Variants in ABLIM1 observed in about 807,000 individuals in gnomAD.
The protein encoded by ABLIM1 is actin binding LIM protein 1.
Under a neutral mutation model 107.0 loss-of-function variants are expected in ABLIM1, and 40 were observed. The observed-to-expected ratio is 0.37, with a 90% CI of 0.29 to 0.49. The LOEUF (loss-of-function observed/expected upper bound fraction) is 0.49, where lower values mean the gene tolerates loss of function less well. Among genes scored for constraint, ABLIM1 ranks in the 20% least tolerant of loss-of-function variants. The pLI is 0.97. For missense variants in ABLIM1, 857 were observed against 1,008.5 expected, an observed-to-expected ratio of 0.85 and a Z score of 2.04; for synonymous variants, 357 against 357.3, an observed-to-expected ratio of 1.00 and a Z score of 0.01.
chr10:114,480,721 C>A (rs370623922), intron 8 of ABLIM1, among the ~76,000 whole-genome samples: 4 of 152,172 alleles, frequency 2.6e-5, no homozygotes, highest in East Asian at 3.9e-4. Context: ...CGGTAAGAAC[C>A]TTCTTGTTGA....
chr10:114,602,535 TC>T (rs1390504236), intron 1 of ABLIM1, among the ~76,000 whole-genome samples: 3 of 152,218 alleles, frequency 2.0e-5, no homozygotes, highest in Admixed American at 2.0e-4. Flanking sequence ...AGAGGGTCAT[TC>T]CCGATCATAA....
chr10:114,617,573 C>T (rs754100297), intron 1 of ABLIM1, among the ~76,000 whole-genome samples: 2 of 151,972 alleles, frequency 1.3e-5, no homozygotes, highest in African/African-American at 2.4e-5. Flanking sequence ...CAGCTTCTCA[C>T]CACCTACTTC....
Position 114,440,092 on chromosome 10 carries a change from GA to G in ABLIM1, c.2060-4del, listed in dbSNP as rs757864607. The G allele has an allele frequency of 6.2e-7, 1 of 1,612,978 alleles. No homozygotes were observed. The highest frequency in any genetic ancestry group is 8.5e-7 in the Non-Finnish European group (1 of 1,179,436). On this transcript the variant is annotated splice_region_variant and splice_polypyrimidine_tract_variant and intron_variant, in intron 19 of 22. Transcript: ENST00000533213. ...CAAAGTGTTCCATACCTGGTAATCT[GA>G]AAAGGAAAGGAAAAGAAAATATCAT...
At chr10:114,717,991 A>AAGGAAGG (rs2081718787) in intron 1 of ABLIM1, among the ~76,000 whole-genome samples, 6 of 86,858 alleles carry the variant, frequency 6.9e-5, no homozygotes, top group East Asian at 3.8e-4. Context: ...AGAAAGAAAG[A>AAGGAAGG]AAGGAAGGAA....
At chr10:114,480,670 T>C (rs925300068) in intron 8 of ABLIM1, among the ~76,000 whole-genome samples, 1 of 152,230 alleles carries the variant, frequency 6.6e-6, no homozygotes, top group Non-Finnish European at 1.5e-5. Flanking sequence ...ATGAGGCAAG[T>C]AGGTGAAACC....
intron 1 of ABLIM1, among the ~76,000 whole-genome samples, chr10:114,704,302 CTATATATATATATATA>C (rs369952218): frequency 1.4e-4 from 6 of 43,058 alleles, no homozygotes; most frequent in African/African-American, 2.5e-4. Context: ...CTCTCTCTCT[CTATATATATATATATA>C]TATATATATA....
chr10:114,742,172 A>G (rs1405424981), intron 1 of ABLIM1, among the ~76,000 whole-genome samples: 1 of 152,242 alleles, frequency 6.6e-6, no homozygotes, highest in Non-Finnish European at 1.5e-5. Context: ...TTAATGAAAT[A>G]TGAATGCTCT....
chr10:114,762,170 C>T (rs961403418), intron 1 of ABLIM1, among the ~76,000 whole-genome samples: 2 of 152,076 alleles, frequency 1.3e-5, no homozygotes, highest in Admixed American at 1.3e-4. Context: ...ATAGCTGAGA[C>T]TACAGGCGCC....
At chr10:114,462,168 G>A (rs2064069629) in intron 12 of ABLIM1, among the ~76,000 whole-genome samples, 1 of 152,132 alleles carries the variant, frequency 6.6e-6, no homozygotes, top group South Asian at 2.1e-4. Flanking sequence ...GAAGCATCAG[G>A]GCCATGACAC....
Position 114,610,249 on chromosome 10 carries a change from C to T in ABLIM1, c.245-8288G>A, listed in dbSNP as rs373438037. On this transcript the variant is annotated intron_variant, in intron 1 of 22. Transcript: ENST00000533213. ...GTCAGGGTGAGATAGCAAGGAAACACGACACACCATTGGGAGGACCCTCTC... is the reference window on the plus strand; with the variant it reads ...GTCAGGGTGAGATAGCAAGGAAACATGACACACCATTGGGAGGACCCTCTC... Among the ~76,000 whole-genome samples, 17 of 152,328 alleles carry T rather than the reference C, an allele frequency of 1.1e-4. No individual in the cohort carries two copies. The East Asian group carries it at 1.2e-3, about 10-fold the overall frequency.
In ABLIM1 at chr10:114,729,715, G is replaced by A. The variant is rs528401605; in HGVS notation, c.-213+38346C>T. On this transcript the variant is annotated intron_variant, in intron 1 of 15. Transcript: ENST00000651092. ...AAGGCAATATTCTGATGGTACTGAA[G>A]TTTGCTAGGCAAAACTCCTTTCTAA... Among the ~76,000 whole-genome samples, 18 of 152,218 alleles carry A rather than the reference G, an allele frequency of 1.2e-4. No homozygotes were observed. The East Asian group carries it at 3.5e-3, about 29-fold the overall frequency.
At chr10:114,770,546 C>T (rs1236060562), upstream of ABLIM1, among the ~76,000 whole-genome samples, 1 of 152,184 alleles carries the variant, frequency 6.6e-6, no homozygotes, top group South Asian at 2.1e-4. Context: ...ACTCATATAA[C>T]ATCTTATGAA....
At chr10:114,748,324 G>T (rs891296334) in intron 1 of ABLIM1, among the ~76,000 whole-genome samples, 1 of 152,124 alleles carries the variant, frequency 6.6e-6, no homozygotes, top group Non-Finnish European at 1.5e-5. Flanking sequence ...ACCATCTGCG[G>T]TTGGCCAGCT....
chr10:114,682,396 C>T (rs2080784088), intron 1 of ABLIM1, among the ~76,000 whole-genome samples: 1 of 152,160 alleles, frequency 6.6e-6, no homozygotes, highest in Non-Finnish European at 1.5e-5. Flanking sequence ...TGTTTTAAAA[C>T]ATCCGGGAAC....
intron 3 of ABLIM1, among the ~76,000 whole-genome samples, chr10:114,573,795 G>C (rs1297975950): frequency 1.3e-5 from 2 of 152,138 alleles, no homozygotes; most frequent in Non-Finnish European, 2.9e-5. Context: ...TCTGGAAAAA[G>C]CTAAATCACA....
intron 1 of ABLIM1, among the ~76,000 whole-genome samples, chr10:114,623,876 C>T (rs145381144): frequency 1.4e-4 from 22 of 152,336 alleles, no homozygotes; most frequent in Middle Eastern, 3.4e-3. Flanking sequence ...TTGATTGCAA[C>T]AGGGACACAC....
At chr10:114,586,285 C>T (rs891498018) in intron 2 of ABLIM1, among the ~76,000 whole-genome samples, 9 of 152,092 alleles carry the variant, frequency 5.9e-5, no homozygotes, top group Admixed American at 2.6e-4. Context: ...CTGTGTATAG[C>T]GCTGGGCTAT....
the ABLIM1 span, among the ~76,000 whole-genome samples, chr10:114,796,317 T>C: frequency 6.6e-6 from 1 of 152,194 alleles, no homozygotes; most frequent in East Asian, 1.9e-4. Context: ...CTGGAACTGC[T>C]GTCATCTGAA....
intron 1 of ABLIM1, among the ~76,000 whole-genome samples, chr10:114,608,894 T>A (rs1159451310): frequency 7.1e-6 from 1 of 140,120 alleles, no homozygotes. Flanking sequence ...AGGTGCCTGT[T>A]ATCCCAGCTA....
Sources: gnomAD v4.1 joint callset for allele counts (sites outside exome capture counted in the v4.1 genomes callset) on GRCh38, gnomAD v4.1.1 for gene constraint, MANE v1.5 for transcripts, NCBI Gene and HGNC (gene_info 2026-07-23, HGNC 2026-07-21) for gene names.